DCHS2: variants seen among roughly 807,000 people sequenced by gnomAD.
The protein encoded by DCHS2 is dachsous cadherin-related 2, also known as protocadherin-23.
In DCHS2, 142 loss-of-function variants were observed where a neutral mutation model predicts 182.4. The ratio of observed to expected loss-of-function variants is 0.78; its 90% CI spans 0.68 to 0.89. The LOEUF (loss-of-function observed/expected upper bound fraction) is 0.89. Among genes scored for constraint, DCHS2 ranks in the 40% least tolerant of loss-of-function variants. The probability of loss-of-function intolerance (pLI) is 0.00; values close to 1 mark genes in which losing one functional copy is unlikely to be tolerated. For missense variants in DCHS2, 4,319 were observed against 4,198.6 expected, an observed-to-expected ratio of 1.03 and a Z score of -0.79; for synonymous variants, 1,740 against 1,663.3, an observed-to-expected ratio of 1.05 and a Z score of -1.12.
intron 1 of DCHS2, among the ~76,000 whole-genome samples, chr4:154,462,958 A>G (rs1000243502): frequency 6.6e-6 from 1 of 152,068 alleles, no homozygotes; most frequent in African/African-American, 2.4e-5. Context: ...GGAAAATGAC[A>G]TGAAATGAGA....
intron 1 of DCHS2, among the ~76,000 whole-genome samples, chr4:154,461,261 A>G (rs1453992782): frequency 6.6e-6 from 1 of 152,224 alleles, no homozygotes; most frequent in Non-Finnish European, 1.5e-5. Flanking sequence ...CTTCTATGAA[A>G]TATCATTTCT....
chr4:154,401,750 TG>T (rs1437314254), intron 1 of DCHS2, among the ~76,000 whole-genome samples: 1 of 152,204 alleles, frequency 6.6e-6, no homozygotes, highest in African/African-American at 2.4e-5. Flanking sequence ...CCCAGCACTT[TG>T]GGAGGCCAAG....
At chr4:154,384,215 A>T (rs1731298287) in intron 1 of DCHS2, among the ~76,000 whole-genome samples, 1 of 152,194 alleles carries the variant, frequency 6.6e-6, no homozygotes, top group Non-Finnish European at 1.5e-5. Flanking sequence ...CAAGTTCACC[A>T]AGTTCCAAAG....
At chr4:154,418,987 C>T (rs66683237) in intron 1 of DCHS2, among the ~76,000 whole-genome samples, 38,149 of 152,204 alleles carry the variant, frequency 0.25, 6,119 homozygotes, top group Middle Eastern at 0.41. Context: ...AAAGAAAAAA[C>T]AAGCCTATAT....
intron 1 of DCHS2, among the ~76,000 whole-genome samples, chr4:154,386,781 A>G (rs57196514): frequency 5.7e-4 from 87 of 152,310 alleles, no homozygotes; most frequent in African/African-American, 2.0e-3. Flanking sequence ...AATAAACTTT[A>G]TGACTATTCT....
rs751108900 is a variant in DCHS2, at chr4:154,269,920, A to G, written c.6557T>C (p.Leu2186Pro). 4 of 1,612,292 alleles carry G rather than the reference A, an allele frequency of 2.5e-6. No homozygotes were observed. The highest frequency in any genetic ancestry group is 3.4e-6 in the Non-Finnish European group (4 of 1,179,046). ...SIFSGNEDGV[L>P]SLCSKSGQLT... ...ATTACCTGACTTAGAGCACAGGGAA[A>G]GAACTCCATCTTCATTTCCACTAAA... Residue 2186 changes from leucine (L) to proline (P), a missense_variant, in exon 14 of 20, where the codon CTT becomes CCT. Transcript: ENST00000357232.
chr4:154,299,761 C>G (rs964500601), intron 12 of DCHS2, among the ~76,000 whole-genome samples: 4 of 152,102 alleles, frequency 2.6e-5, no homozygotes, highest in African/African-American at 9.7e-5. Flanking sequence ...TACTATGTGC[C>G]AAGTTTGTGC....
At chr4:154,483,717 A>C (rs928289818) in intron 1 of DCHS2, among the ~76,000 whole-genome samples, 7 of 152,194 alleles carry the variant, frequency 4.6e-5, no homozygotes, top group Non-Finnish European at 2.9e-5. Context: ...AAATGGAGTA[A>C]GATGCCAACC....
At chr4:154,264,579 A>C (rs1465812793) in intron 14 of DCHS2, among the ~76,000 whole-genome samples, 2 of 152,232 alleles carry the variant, frequency 1.3e-5, no homozygotes, top group Non-Finnish European at 2.9e-5. Flanking sequence ...GTTTAGATCA[A>C]CAGCTAGCTT....
intron 3 of DCHS2, among the ~76,000 whole-genome samples, chr4:154,339,065 A>T (rs1728944347): frequency 2.0e-5 from 3 of 152,226 alleles, no homozygotes; most frequent in Admixed American, 1.3e-4. Context: ...GAGAAGTCCC[A>T]TGTTCACCCA....
At chr4:154,313,926 A>G (rs573951729) in intron 10 of DCHS2, among the ~76,000 whole-genome samples, 27 of 152,208 alleles carry the variant, frequency 1.8e-4, no homozygotes, top group Admixed American at 1.2e-3. Context: ...TATAATTAGC[A>G]GGTTGCAGAT....
At chr4:154,255,786 C>A in intron 15 of DCHS2, 116 bp from the exon 16 acceptor site, 1 of 1,381,718 alleles carries the variant, frequency 7.2e-7, no homozygotes, top group Non-Finnish European at 9.4e-7. Flanking sequence ...ATTTTAAAAA[C>A]AACGATGAAA....
At chr4:154,272,605 C>A (rs1043034938) in intron 13 of DCHS2, among the ~76,000 whole-genome samples, 1 of 152,042 alleles carries the variant, frequency 6.6e-6, no homozygotes, top group African/African-American at 2.4e-5. Flanking sequence ...CACCTACTGC[C>A]ATGTAAGGCA....
chr4:154,255,471 T>A (rs1390899940), intron 16 of DCHS2, 48 bp downstream of exon 16: 2 of 1,572,058 alleles, frequency 1.3e-6, no homozygotes, highest in South Asian at 2.4e-5. Context: ...ATGTTGTCAG[T>A]AAGCAGGCAG....
rs1731496677 is a variant in DCHS2 at position 154,236,271 on chromosome 4, A to G, written c.8381T>C (p.Leu2794Pro). 6.2e-7 allele frequency: 1 copy of G among 1,614,078 alleles called. No homozygotes were observed. Among genetic ancestry groups the G allele is most frequent in the Non-Finnish European group, 8.5e-7 (1 of 1,179,952 alleles). The change falls in exon 20 of 20, where the codon CTG (leucine) becomes CCG (proline). Residue 2794 changes from leucine to proline, a missense_variant. Leu to Pro is a moderately conservative substitution (Grantham distance 98). Coordinates refer to ENST00000357232, the MANE Select transcript of DCHS2 (RefSeq NM_001358235.2). Reference protein sequence around the residue: ...ISSTICSINALDFDAGPYGEL... With the variant: ...ISSTICSINAPDFDAGPYGEL... ...TCCATACGGACCAGCATCAAAATCC[A>G]GAGCATTTATAGAGCATATGGTAGA... is the stretch of plus-strand genomic sequence containing the variant.
At chr4:154,367,612 A>T (rs930387850) in intron 2 of DCHS2, among the ~76,000 whole-genome samples, 32 of 152,054 alleles carry the variant, frequency 2.1e-4, no homozygotes, top group African/African-American at 7.0e-4. Flanking sequence ...TTAAAGCACC[A>T]TTTTCTGTTT....
At position 154,242,724 on chromosome 4, in the gene DCHS2, C is replaced by G. The variant is rs558078073; in HGVS notation, c.6990G>C (p.Thr2330=). 4 of 1,612,654 alleles carry G rather than the reference C, an allele frequency of 2.5e-6. No individual in the cohort carries two copies. The highest frequency in any genetic ancestry group is 3.4e-6 in the Non-Finnish European group (4 of 1,179,296). The change falls in exon 17 of 20, where the codon ACG becomes ACC. Residue 2330 remains threonine (T), a synonymous_variant. Coordinates refer to ENST00000357232, the MANE Select transcript of DCHS2 (RefSeq NM_001358235.2). ...CAGTCACCTGTACCTTGATTACAGT[C>G]GTATTAGAAAGCCTGGGCATCCCTT... ...TDKGMPRLSN[T]TVIKVQVTDI...
chr4:154,317,863 A>G (rs1447405220), intron 9 of DCHS2, among the ~76,000 whole-genome samples: 1 of 152,250 alleles, frequency 6.6e-6, no homozygotes, highest in African/African-American at 2.4e-5. Flanking sequence ...CTTCAAAAAA[A>G]GAAATGTTAC....
chr4:154,348,347 C>T (rs1344705380), intron 3 of DCHS2, among the ~76,000 whole-genome samples: 2 of 151,882 alleles, frequency 1.3e-5, no homozygotes. Flanking sequence ...GACAGTGGTC[C>T]TCACAGTTGC....
Sources: gnomAD v4.1 joint callset for allele counts (sites outside exome capture counted in the v4.1 genomes callset) on GRCh38, gnomAD v4.1.1 for gene constraint, MANE v1.5 for transcripts, NCBI Gene and HGNC (gene_info 2026-07-23, HGNC 2026-07-21) for gene names.